Variants in CENPK observed in about 807,000 individuals in gnomAD.
CENPK encodes the protein SoxLZ/Sox6-binding protein Solt.
CENPK carries 46 observed loss-of-function variants against 40.9 expected under a neutral mutation model. That is an observed-to-expected ratio of 1.13 (90% CI 0.89 to 1.44). The LOEUF (loss-of-function observed/expected upper bound fraction) is 1.44, where lower values mean the gene tolerates loss of function less well. Ranked by LOEUF, CENPK falls within the 40% of genes most tolerant of loss-of-function variation. The pLI is 0.00. For synonymous variants in CENPK, 107 were observed against 104.4 expected, an observed-to-expected ratio of 1.02 and a Z score of -0.15; for missense variants, 288 against 303.5, an observed-to-expected ratio of 0.95 and a Z score of 0.38.
chr5:65,503,110 A>ATTT, the CENPK span, among the ~76,000 whole-genome samples: 718 of 126,836 alleles, frequency 5.7e-3, 22 homozygotes, highest in Middle Eastern at 0.013. Flanking sequence ...CCAATGTAAT[A>ATTT]TTTTTTTTTT....
At chr5:65,517,352 C>G (rs1742939494), downstream of CENPK, among the ~76,000 whole-genome samples, 1 of 152,182 alleles carries the variant, frequency 6.6e-6, no homozygotes, top group South Asian at 2.1e-4. Flanking sequence ...ACCTACACTG[C>G]CATTTCTTCC....
At chr5:65,511,474 T>G in the CENPK span, among the ~76,000 whole-genome samples, 1 of 152,206 alleles carries the variant, frequency 6.6e-6, no homozygotes. Flanking sequence ...TGCTAAGGGC[T>G]AATGCAGCTG....
At chr5:65,551,961 T>A (rs1192770564) in intron 4 of CENPK, among the ~76,000 whole-genome samples, 1 of 123,964 alleles carries the variant, frequency 8.1e-6, no homozygotes, top group Non-Finnish European at 1.7e-5. Flanking sequence ...CTTTGTTCTA[T>A]TTTTTTTTTT....
intron 9 of CENPK, among the ~76,000 whole-genome samples, chr5:65,523,164 T>C (rs1744082695): frequency 6.6e-6 from 1 of 152,238 alleles, no homozygotes. Flanking sequence ...AGAAATAGTC[T>C]TCAATCTGTC....
the CENPK span, among the ~76,000 whole-genome samples, chr5:65,512,409 G>C: frequency 6.6e-6 from 1 of 150,660 alleles, no homozygotes; most frequent in African/African-American, 2.4e-5. Flanking sequence ...CAATCGATGT[G>C]GCAAACTTCA....
At chr5:65,541,965 T>G (rs1031565084) in intron 6 of CENPK, among the ~76,000 whole-genome samples, 1 of 152,232 alleles carries the variant, frequency 6.6e-6, no homozygotes, top group Non-Finnish European at 1.5e-5. Context: ...AGATTCAATG[T>G]CTACTGAGGG....
chr5:65,500,296 G>T, the CENPK span, among the ~76,000 whole-genome samples: 1 of 115,628 alleles, frequency 8.6e-6, no homozygotes, highest in South Asian at 3.3e-4. Context: ...CAGTGTAAAA[G>T]TGTTCCTATT....
At chr5:65,509,258 G>C in the CENPK span, among the ~76,000 whole-genome samples, 13 of 152,256 alleles carry the variant, frequency 8.5e-5, no homozygotes, top group African/African-American at 3.1e-4. Context: ...AAGAAAGTCA[G>C]TCCTCACTGG....
intron 4 of CENPK, among the ~76,000 whole-genome samples, chr5:65,552,011 G>A (rs1750163921): frequency 3.4e-5 from 5 of 148,140 alleles, no homozygotes; most frequent in African/African-American, 2.5e-5. Context: ...CCAGGCTGGA[G>A]TATAATGGCA....
the CENPK span, among the ~76,000 whole-genome samples, chr5:65,510,404 T>A: frequency 1.3e-5 from 2 of 152,176 alleles, no homozygotes; most frequent in African/African-American, 4.8e-5. Flanking sequence ...TGTTGAAATT[T>A]AATCCACAAA....
chr5:65,515,313 C>A (rs1216069569), downstream of CENPK, among the ~76,000 whole-genome samples: 2 of 151,286 alleles, frequency 1.3e-5, no homozygotes, highest in Non-Finnish European at 2.9e-5. Context: ...AGGCCATCCT[C>A]CGCCTCAGCC....
chr5:65,556,182 C>T (rs113320153), intron 2 of CENPK, among the ~76,000 whole-genome samples: 95 of 152,194 alleles, frequency 6.2e-4, no homozygotes, highest in African/African-American at 2.3e-3. Context: ...GAAAAAAAGA[C>T]ATAAAATATG....
downstream of CENPK, among the ~76,000 whole-genome samples, chr5:65,515,204 A>ATTTTTTTTTTTT (rs1554102335): frequency 3.4e-3 from 419 of 124,014 alleles, 7 homozygotes; most frequent in African/African-American, 8.3e-3. Flanking sequence ...TCTCAAAAAA[A>ATTTTTTTTTTTT]TTTTTTTTTT....
At chr5:65,519,015 A>G (rs1033259117) in intron 10 of CENPK, among the ~76,000 whole-genome samples, 1 of 152,204 alleles carries the variant, frequency 6.6e-6, no homozygotes, top group Non-Finnish European at 1.5e-5. Flanking sequence ...TGAAGGAAAA[A>G]TAACTGGTCC....
chr5:65,559,035 G>A (rs1023357194), intron 2 of CENPK, among the ~76,000 whole-genome samples: 1 of 152,226 alleles, frequency 6.6e-6, no homozygotes, highest in African/African-American at 2.4e-5. Context: ...TTTTAAGGAG[G>A]TAGACAGTGC....
chr5:65,501,638 T>C, the CENPK span, among the ~76,000 whole-genome samples: 1 of 152,214 alleles, frequency 6.6e-6, no homozygotes, highest in African/African-American at 2.4e-5. Flanking sequence ...GACACAATTC[T>C]GGTGGAGGGG....
At position 65,546,772 on chromosome 5, in the gene CENPK, AG is replaced by A. The variant is rs1749063265; in HGVS notation, c.242-3925del. Among the ~76,000 whole-genome samples, 15 of 152,252 alleles carry A rather than the reference AG, an allele frequency of 9.9e-5. No homozygotes were observed. The South Asian group carries it at 3.1e-3, about 31-fold the overall frequency. On this transcript the variant is annotated intron_variant, in intron 5 of 10. Transcript: ENST00000396679. ...GAAGAAGATGGACATCTGCAAGCCA[AG>A]GGGAGAGGCCTCAGAAGAAACCAAC...
At chr5:65,551,670 G>T (rs1298871293) in intron 4 of CENPK, 34 bp from the exon 5 acceptor site, 1 of 1,188,160 alleles carries the variant, frequency 8.4e-7, no homozygotes, top group Non-Finnish European at 1.2e-6. Context: ...ATTTTCTGTG[G>T]ACTATTCATA....
chr5:65,509,517 C>A, the CENPK span, among the ~76,000 whole-genome samples: 1 of 152,164 alleles, frequency 6.6e-6, no homozygotes. Flanking sequence ...GAATGTACCT[C>A]ATTTTGTTTA....
Sources: gnomAD v4.1 joint callset for allele counts (sites outside exome capture counted in the v4.1 genomes callset) on GRCh38, gnomAD v4.1.1 for gene constraint, MANE v1.5 for transcripts, NCBI Gene and HGNC (gene_info 2026-07-23, HGNC 2026-07-21) for gene names.